TACC1: variants seen among roughly 807,000 people sequenced by gnomAD.
The protein encoded by TACC1 is transforming acidic coiled-coil containing protein 1.
In TACC1, 48 loss-of-function variants were observed where a neutral mutation model predicts 84.4. The ratio of observed to expected loss-of-function variants is 0.57; its 90% CI spans 0.45 to 0.72. TACC1 has a LOEUF of 0.72. Ranked by LOEUF, TACC1 falls within the 30% of genes least tolerant of loss-of-function variation. TACC1 has a pLI of 0.00. For missense variants in TACC1, 920 were observed against 973.0 expected (o/e 0.95, Z 0.72); for synonymous variants, 372 against 376.3 (o/e 0.99, Z 0.13).
chr8:38,800,119 C>T (rs1315597653), intron 2 of TACC1, among the ~76,000 whole-genome samples: 2 of 152,220 alleles, frequency 1.3e-5, no homozygotes, highest in Non-Finnish European at 2.9e-5. Flanking sequence ...CGTAATCGCC[C>T]CACTGTACTC....
intron 5 of TACC1, chr8:38,827,601 GATGT>G: frequency 1.8e-6 from 1 of 570,864 alleles, no homozygotes; most frequent in Non-Finnish European, 3.1e-6. Flanking sequence ...AGGAGATGCT[GATGT>G]ATGTGAGACT....
intron 6 of TACC1, among the ~76,000 whole-genome samples, chr8:38,831,887 A>G (rs1163545958): frequency 1.4e-5 from 2 of 146,220 alleles, no homozygotes; most frequent in Admixed American, 6.8e-5. Context: ...GCTCACTACA[A>G]CCTCCACCTA....
At chr8:38,811,984 T>C (rs1463413560) in intron 2 of TACC1, among the ~76,000 whole-genome samples, 1 of 152,144 alleles carries the variant, frequency 6.6e-6, no homozygotes, top group Non-Finnish European at 1.5e-5. Context: ...GGGAGGTCTA[T>C]AAATGGCCGC....
rs2152249373 is a variant in TACC1, at chr8:38,825,217, A to G, written c.1392-91A>G. 3.6e-6 allele frequency: 5 copies of G among 1,377,696 alleles called. No homozygotes were observed. The South Asian group carries it at 4.7e-5, about 13-fold the overall frequency. 85.3% of individuals were successfully genotyped at this position (1,377,696 alleles called of 1,614,324 possible). A position where few individuals can be genotyped will look rare whatever the true frequency, so the allele number is the denominator to read the frequency against. Reference sequence around the variant, plus strand: ...TGTGGTGCTGTATGCTTTGGCTTCTATCCGCACACACTGCTGTCTGCTCCA... The same window carrying G: ...TGTGGTGCTGTATGCTTTGGCTTCTGTCCGCACACACTGCTGTCTGCTCCA... On this transcript the variant is annotated intron_variant, in intron 3 of 12. Coordinates refer to ENST00000317827, the MANE Select transcript of TACC1 (RefSeq NM_006283.3).
At chr8:38,840,946 G>C (rs1290560874) in intron 9 of TACC1, among the ~76,000 whole-genome samples, 1 of 152,314 alleles carries the variant, frequency 6.6e-6, no homozygotes, top group East Asian at 1.9e-4. Context: ...CTACTCGGGA[G>C]GCTGAGGCAG....
At chr8:38,756,197 C>T (rs905052768) in intron 3 of TACC1, among the ~76,000 whole-genome samples, 5 of 151,908 alleles carry the variant, frequency 3.3e-5, no homozygotes, top group Non-Finnish European at 7.4e-5. Context: ...GGAAGGACAG[C>T]GATAACATGG....
intron 2 of TACC1, among the ~76,000 whole-genome samples, chr8:38,806,607 A>C (rs1822795926): frequency 6.6e-6 from 1 of 151,996 alleles, no homozygotes; most frequent in Non-Finnish European, 1.5e-5. Flanking sequence ...GCAGAGGAGA[A>C]GTGGGTAGAA....
At position 38,787,301 on chromosome 8, in the gene TACC1, G is replaced by C. The variant is rs1817450241; in HGVS notation, c.-282G>C. The C allele has an allele frequency of 3.4e-6, 4 of 1,171,308 alleles. No homozygotes were observed. Among genetic ancestry groups the C allele is most frequent in the Non-Finnish European group, 4.2e-6 (4 of 947,888 alleles). 72.6% of individuals were successfully genotyped at this position (1,171,308 alleles called of 1,614,324 possible). A position where few individuals can be genotyped will look rare whatever the true frequency, so the allele number is the denominator to read the frequency against. The stretch of plus-strand genomic sequence containing the variant: ...GCCGGGCGCCGCGGGCCGGGGGCCT[G>C]AGGAGGCCACAGGACGGGCGTCTTC... On this transcript the variant is annotated 5_prime_UTR_variant, in exon 1 of 13. Coordinates refer to ENST00000317827, the MANE Select transcript of TACC1 (RefSeq NM_006283.3).
At position 38,806,244 on chromosome 8, in the gene TACC1, G is replaced by C. The variant is rs148345911; in HGVS notation, c.278-13278G>C. Among the ~76,000 whole-genome samples the C allele has an allele frequency of 1.5e-4, 23 of 152,264 alleles. No homozygotes were observed. The East Asian group carries it at 4.4e-3, about 29-fold the overall frequency. ...CTGCTTCCATCCTGGCTCCATGCCT[G>C]CCTGCTCTCAGTGGTGTGACAGTAC... On this transcript the variant is annotated intron_variant, in intron 2 of 12. Coordinates refer to ENST00000317827, the MANE Select transcript of TACC1 (RefSeq NM_006283.3).
chr8:38,841,422 G>A (rs1034136570), intron 9 of TACC1, among the ~76,000 whole-genome samples: 1 of 152,156 alleles, frequency 6.6e-6, no homozygotes, highest in Non-Finnish European at 1.5e-5. Context: ...AAGAACACTT[G>A]TTTATAGAAT....
At position 38,778,274 on chromosome 8, in the gene TACC1, TTG is replaced by T. The variant is rs3076914; in HGVS notation, c.27-10408_27-10407del. Reference sequence around the variant, plus strand: ...TGCTTTTTTATCTTAATAATTAAAATTGTGTGTGTGTGTGTGTGTGTGTATGT... The same window carrying T: ...TGCTTTTTTATCTTAATAATTAAAATTGTGTGTGTGTGTGTGTGTGTATGT... On this transcript the variant is annotated intron_variant, in intron 3 of 14. Transcript: ENST00000518415. Among the ~76,000 whole-genome samples the T allele has an allele frequency of 9.0e-4, 134 of 148,318 alleles. 2 individuals are homozygous for T. Among genetic ancestry groups the T allele is most frequent in the African/African-American group, 2.4e-3 (98 of 40,450 alleles).
intron 2 of TACC1, among the ~76,000 whole-genome samples, chr8:38,816,478 C>T (rs1316587498): frequency 1.3e-5 from 2 of 152,206 alleles, no homozygotes; most frequent in African/African-American, 4.8e-5. Context: ...CTCAGTCCCA[C>T]GAGACTGCCG....
chr8:38,827,516 T>A (rs1347151913), intron 5 of TACC1, 141 bp downstream of exon 5: 1 of 837,108 alleles, frequency 1.2e-6, no homozygotes, highest in Non-Finnish European at 1.8e-6. Flanking sequence ...TATGCTTTGC[T>A]TCTTTACCTG....
At chr8:38,831,018 G>A in intron 5 of TACC1, 107 bp from the exon 6 acceptor site, 6 of 894,822 alleles carry the variant, frequency 6.7e-6, no homozygotes, top group Non-Finnish European at 1.1e-5. Context: ...TGCTTTTCAT[G>A]TGTTCATAAG....
intron 3 of TACC1, among the ~76,000 whole-genome samples, chr8:38,779,356 C>G (rs1026094060): frequency 6.6e-6 from 1 of 152,232 alleles, no homozygotes; most frequent in Non-Finnish European, 1.5e-5. Flanking sequence ...GGTCACCACA[C>G]AGTCACTTAG....
At chr8:38,824,367 T>G (rs1387807930) in intron 3 of TACC1, among the ~76,000 whole-genome samples, 1 of 152,208 alleles carries the variant, frequency 6.6e-6, no homozygotes, top group Non-Finnish European at 1.5e-5. Flanking sequence ...TGGAAATCAT[T>G]GGCTTTTTTG....
chr8:38,747,148 T>G (rs1808235377), intron 3 of TACC1, among the ~76,000 whole-genome samples: 2 of 152,148 alleles, frequency 1.3e-5, no homozygotes, highest in Non-Finnish European at 2.9e-5. Flanking sequence ...AAAACAACAA[T>G]GAGATACCAC....
chr8:38,827,507 A>G, intron 5 of TACC1, 132 bp downstream of exon 5: 1 of 904,876 alleles, frequency 1.1e-6, no homozygotes, highest in Non-Finnish European at 1.7e-6. Flanking sequence ...ATGCTGACCT[A>G]TGCTTTGCTT....
chr8:38,844,265 C>T (rs999708390), intron 11 of TACC1, among the ~76,000 whole-genome samples: 2 of 151,906 alleles, frequency 1.3e-5, no homozygotes, highest in Non-Finnish European at 2.9e-5. Context: ...CTCAGTCTCC[C>T]GGGTTCAAGT....
Sources: allele counts gnomAD v4.1 joint callset (sites outside exome capture counted in the v4.1 genomes callset), GRCh38; gene constraint gnomAD v4.1.1; transcripts MANE v1.5; gene names NCBI Gene and HGNC (gene_info 2026-07-23, HGNC 2026-07-21).